The following SKIC8 variants were observed in gnomAD, a reference collection of about 807,000 sequenced individuals.
The protein encoded by SKIC8 is superkiller complex protein 8.
At chr15:78,288,167 T>A in the SKIC8 span, 1 of 964,060 alleles carries the variant, frequency 1.0e-6, no homozygotes, top group Non-Finnish European at 1.5e-6. Context: ...GCCTGGGGAG[T>A]CAAGGTGTCT....
chr15:78,289,915 G>T, the SKIC8 span: 15 of 1,602,990 alleles, frequency 9.4e-6, no homozygotes, highest in Middle Eastern at 3.3e-4. Flanking sequence ...TAAACTGAAA[G>T]AATCAGAAGG....
chr15:78,292,703 T>C, the SKIC8 span: 4 of 1,614,060 alleles, frequency 2.5e-6, no homozygotes, highest in Admixed American at 1.7e-5. Flanking sequence ...GATGCAGCAA[T>C]GGGCAGGGTG....
chr15:78,290,190 T>C, the SKIC8 span: 1 of 1,348,494 alleles, frequency 7.4e-7, no homozygotes, highest in Non-Finnish European at 9.9e-7. Flanking sequence ...TACATCTTTT[T>C]AAATCGGAGT....
the SKIC8 span, chr15:78,293,155 A>G: frequency 1.2e-6 from 2 of 1,610,884 alleles, no homozygotes; most frequent in Middle Eastern, 1.7e-4. Context: ...ATGTTAGGGG[A>G]GAGGCACTCA....
At chr15:78,285,300 C>A in the SKIC8 span, 2 of 1,614,216 alleles carry the variant, frequency 1.2e-6, no homozygotes, top group Non-Finnish European at 1.7e-6. Context: ...CACAAGTCCT[C>A]GTTCCAACAT....
the SKIC8 span, among the ~76,000 whole-genome samples, chr15:78,287,382 A>G: frequency 2.0e-4 from 30 of 152,330 alleles, no homozygotes; most frequent in Admixed American, 2.0e-3. Context: ...TTGCCAGAAA[A>G]AACTGCATTT....
At chr15:78,296,443 T>C in the SKIC8 span, among the ~76,000 whole-genome samples, 1 of 151,554 alleles carries the variant, frequency 6.6e-6, no homozygotes, top group Non-Finnish European at 1.5e-5. Flanking sequence ...AAAGGATAGA[T>C]CTAATTTCTC....
the SKIC8 span, chr15:78,295,036 C>T: frequency 1.9e-6 from 3 of 1,596,808 alleles, no homozygotes; most frequent in Non-Finnish European, 2.6e-6. Context: ...ACATTGCCTC[C>T]AGAAAGCACT....
chr15:78,298,713 G>T, the SKIC8 span, among the ~76,000 whole-genome samples: 2 of 152,250 alleles, frequency 1.3e-5, no homozygotes, highest in South Asian at 4.1e-4. Flanking sequence ...TTGAAAAATT[G>T]TAAGTCAAAC....
the SKIC8 span, chr15:78,292,464 A>T: frequency 1.3e-6 from 1 of 788,238 alleles, no homozygotes; most frequent in Non-Finnish European, 2.1e-6. Flanking sequence ...TTCCAGCCCC[A>T]CTGAGGGTAT....
the SKIC8 span, among the ~76,000 whole-genome samples, chr15:78,287,829 C>T: frequency 6.6e-6 from 1 of 152,172 alleles, no homozygotes; most frequent in Non-Finnish European, 1.5e-5. Context: ...ACCAAAAACG[C>T]TCCCATCTAG....
At chr15:78,285,250 T>C in the SKIC8 span, 2 of 1,613,476 alleles carry the variant, frequency 1.2e-6, no homozygotes, top group Non-Finnish European at 1.7e-6. Flanking sequence ...GATGAAATAA[T>C]AATGCCATAC....
chr15:78,299,544 C>T, the SKIC8 span: 1 of 152,616 alleles, frequency 6.6e-6, no homozygotes, highest in Non-Finnish European at 1.5e-5. Flanking sequence ...TCCCCAACGG[C>T]CCTGCGCTCC....
the SKIC8 span, among the ~76,000 whole-genome samples, chr15:78,297,040 C>T: frequency 6.6e-6 from 1 of 152,166 alleles, no homozygotes; most frequent in Non-Finnish European, 1.5e-5. Context: ...ACTGAATATA[C>T]ATTAGTAATT....
At chr15:78,293,650 C>A in the SKIC8 span, among the ~76,000 whole-genome samples, 3 of 152,156 alleles carry the variant, frequency 2.0e-5, no homozygotes, top group Non-Finnish European at 4.4e-5. Context: ...ACAGATACTC[C>A]GAAAAGATCT....
At chr15:78,296,615 G>A in the SKIC8 span, among the ~76,000 whole-genome samples, 1 of 151,434 alleles carries the variant, frequency 6.6e-6, no homozygotes, top group Non-Finnish European at 1.5e-5. Flanking sequence ...GCCAAGTCTT[G>A]CTCCCACCTC....
chr15:78,295,242 TTC>T, the SKIC8 span: 1 of 559,232 alleles, frequency 1.8e-6, no homozygotes, highest in Non-Finnish European at 3.2e-6. Context: ...AAATTATGTT[TTC>T]TTTTTCTGTT....
the SKIC8 span, chr15:78,295,379 C>G: frequency 3.3e-6 from 2 of 605,176 alleles, no homozygotes; most frequent in Non-Finnish European, 2.9e-6. Context: ...TATGTTTCTC[C>G]TGTTCTATCT....
At chr15:78,288,522 G>T in the SKIC8 span, 1 of 768,480 alleles carries the variant, frequency 1.3e-6, no homozygotes, top group South Asian at 1.8e-5. Flanking sequence ...CAAGAGTTCT[G>T]ATTGGGCCTT....
Sources: allele counts gnomAD v4.1 joint callset (sites outside exome capture counted in the v4.1 genomes callset), GRCh38; gene constraint gnomAD v4.1.1; transcripts MANE v1.5; gene names NCBI Gene and HGNC (gene_info 2026-07-23, HGNC 2026-07-21).